FRAS1: variants seen among roughly 807,000 people sequenced by gnomAD.
The protein encoded by FRAS1 is Fraser extracellular matrix complex subunit 1.
FRAS1 carries 290 observed loss-of-function variants against 435.2 expected under a neutral mutation model. That is an observed-to-expected ratio of 0.67 (90% CI 0.61 to 0.73). The LOEUF is 0.73. FRAS1 is among the 30% of genes least tolerant of loss of function. FRAS1 has a pLI of 0.00. For synonymous variants in FRAS1, 1,800 were observed against 1,851.0 expected (o/e 0.97, Z 0.71); for missense variants, 4,860 against 5,001.5 (o/e 0.97, Z 0.85).
intron 20 of FRAS1, among the ~76,000 whole-genome samples, chr4:78,354,596 G>A (rs141058778): frequency 6.6e-6 from 1 of 152,088 alleles, no homozygotes; most frequent in Non-Finnish European, 1.5e-5. Context: ...CCCTTTAAAG[G>A]CCCTGAGTTT....
chr4:78,261,776 A>G (rs1318172601), intron 6 of FRAS1, among the ~76,000 whole-genome samples: 1 of 152,146 alleles, frequency 6.6e-6, no homozygotes, highest in Non-Finnish European at 1.5e-5. Context: ...CTAAAAAAAC[A>G]CTCAGGTTTA....
chr4:78,349,778 T>G (rs1436426678), intron 20 of FRAS1, among the ~76,000 whole-genome samples: 2 of 11,494 alleles, frequency 1.7e-4, no homozygotes, highest in Non-Finnish European at 3.1e-4. Context: ...AAATACTTTA[T>G]AGACAAGCAA....
Position 78,438,991 on chromosome 4 carries a change from A to G in FRAS1, c.5456A>G (p.Asn1819Ser). Residue 1819 changes from asparagine (N) to serine (S), a missense_variant, in exon 40 of 74, where the codon AAT becomes AGT. Asn to Ser is a conservative substitution (Grantham distance 46). Transcript: ENST00000512123. ...GACATGGACCACAACCATCTGGATA[A>G]TCAGATATTTACCATCATGATCACT... ...VSDMDHNHLD[N>S]QIFTIMITPA... The G allele has an allele frequency of 1.9e-6, 3 of 1,613,282 alleles. No homozygotes were observed. Among genetic ancestry groups the G allele is most frequent in the Non-Finnish European group, 2.5e-6 (3 of 1,179,384 alleles).
chr4:78,397,622 C>T (rs1232346039), intron 29 of FRAS1, among the ~76,000 whole-genome samples: 1 of 152,030 alleles, frequency 6.6e-6, no homozygotes, highest in Non-Finnish European at 1.5e-5. Flanking sequence ...CTTGGTGGAG[C>T]CCATTAGCCA....
At chr4:78,227,583 A>C (rs1202657564) in intron 2 of FRAS1, among the ~76,000 whole-genome samples, 1 of 152,252 alleles carries the variant, frequency 6.6e-6, no homozygotes, top group East Asian at 1.9e-4. Flanking sequence ...GTGGATGGCC[A>C]GTTTAAATGG....
chr4:78,097,043 C>A (rs7684543), intron 2 of FRAS1, among the ~76,000 whole-genome samples: 33,110 of 152,138 alleles, frequency 0.22, 3,960 homozygotes, highest in Admixed American at 0.29. Flanking sequence ...ATCTTTAATG[C>A]TTTGCTGCTT....
At chr4:78,524,231 C>G (rs557483938) in intron 69 of FRAS1, among the ~76,000 whole-genome samples, 4 of 152,324 alleles carry the variant, frequency 2.6e-5, no homozygotes, top group Admixed American at 2.6e-4. Context: ...CCCAGAACCA[C>G]AGGTTTTAGC....
chr4:78,286,650 A>G, intron 14 of FRAS1, 111 bp downstream of exon 14: 1 of 1,101,878 alleles, frequency 9.1e-7, no homozygotes, highest in East Asian at 2.4e-5. Flanking sequence ...TTCAAATAAG[A>G]GAAGAAACTC....
intron 61 of FRAS1, among the ~76,000 whole-genome samples, chr4:78,504,657 TG>T (rs1720778533): frequency 6.6e-6 from 1 of 152,218 alleles, no homozygotes; most frequent in Admixed American, 6.5e-5. Context: ...AGCACAATGA[TG>T]GGTCTTGACT....
chr4:78,266,043 G>C (rs1223491120), intron 7 of FRAS1, among the ~76,000 whole-genome samples: 1 of 152,288 alleles, frequency 6.6e-6, no homozygotes, highest in South Asian at 2.1e-4. Flanking sequence ...GAAGAGACAG[G>C]CTTTATATCT....
chr4:78,085,829 G>C (rs1741129429), intron 2 of FRAS1, among the ~76,000 whole-genome samples: 1 of 152,158 alleles, frequency 6.6e-6, no homozygotes, highest in African/African-American at 2.4e-5. Flanking sequence ...AATAATGGGA[G>C]ACTTTAACAC....
chr4:78,406,008 T>A (rs72657094), intron 30 of FRAS1, among the ~76,000 whole-genome samples: 40,409 of 152,174 alleles, frequency 0.27, 5,565 homozygotes, highest in Admixed American at 0.32. Flanking sequence ...TACAAACAGA[T>A]TGCTGGTGAT....
chr4:78,364,568 TG>T (rs1372186933), intron 22 of FRAS1, among the ~76,000 whole-genome samples: 1 of 152,216 alleles, frequency 6.6e-6, no homozygotes, highest in African/African-American at 2.4e-5. Context: ...TGGACTTGTA[TG>T]GGAGTTACTT....
chr4:78,153,205 C>T (rs1019289508), intron 2 of FRAS1, among the ~76,000 whole-genome samples: 4 of 152,104 alleles, frequency 2.6e-5, no homozygotes, highest in African/African-American at 9.7e-5. Context: ...TCATTCCCCC[C>T]ACCCCTCACC....
intron 2 of FRAS1, among the ~76,000 whole-genome samples, chr4:78,136,588 C>A (rs1009935095): frequency 6.6e-6 from 1 of 152,124 alleles, no homozygotes; most frequent in South Asian, 2.1e-4. Flanking sequence ...TTAGACAGCA[C>A]GCAGTCTAAT....
intron 20 of FRAS1, among the ~76,000 whole-genome samples, chr4:78,341,133 T>G (rs1298483611): frequency 6.6e-6 from 1 of 151,464 alleles, no homozygotes; most frequent in African/African-American, 2.4e-5. Context: ...GTGTGTGGAG[T>G]GGGTATGAAA....
chr4:78,301,987 A>G lies in FRAS1; in HGVS notation c.1535-6079A>G, dbSNP rs1728431080. On this transcript the variant is annotated intron_variant, in intron 14 of 73. Transcript: ENST00000512123. Reference sequence around the variant, plus strand: ...TCATTTAGCATTAGGTATATCTCCCAATGCTATCCCTCCCCACTCCCCCCA... The same window carrying G: ...TCATTTAGCATTAGGTATATCTCCCGATGCTATCCCTCCCCACTCCCCCCA... Among the ~76,000 whole-genome samples the G allele has an allele frequency of 2.0e-5, 3 of 151,098 alleles. No individual in the cohort carries two copies. In the South Asian group the frequency reaches 6.3e-4, roughly 32 times the overall value.
intron 63 of FRAS1, among the ~76,000 whole-genome samples, chr4:78,509,995 G>A (rs1235948427): frequency 6.6e-6 from 1 of 152,186 alleles, no homozygotes; most frequent in Admixed American, 6.6e-5. Flanking sequence ...TAGATGGGAG[G>A]CTTTGGATAA....
At chr4:78,498,526 G>T (rs1578359391) in intron 60 of FRAS1, among the ~76,000 whole-genome samples, 1 of 130,796 alleles carries the variant, frequency 7.6e-6, no homozygotes, top group South Asian at 2.4e-4. Context: ...AAAAAAAAAA[G>T]ATTTATGCTG....
Sources: gnomAD v4.1 joint callset for allele counts (sites outside exome capture counted in the v4.1 genomes callset) on GRCh38, gnomAD v4.1.1 for gene constraint, MANE v1.5 for transcripts, NCBI Gene and HGNC (gene_info 2026-07-23, HGNC 2026-07-21) for gene names.